Variants in PARP4 observed in about 807,000 individuals in gnomAD.
PARP4 encodes the protein poly(ADP-ribose) polymerase family member 4.
PARP4 carries 120 observed loss-of-function variants against 187.7 expected under a neutral mutation model. That is an observed-to-expected ratio of 0.64 (90% CI 0.55 to 0.74). The LOEUF (loss-of-function observed/expected upper bound fraction) is 0.74, where lower values mean the gene tolerates loss of function less well. Among genes scored for constraint, PARP4 ranks in the 30% least tolerant of loss-of-function variants. The pLI is 0.00. For synonymous variants in PARP4, 654 were observed against 740.9 expected (o/e 0.88, Z 1.90); for missense variants, 1,836 against 2,070.5 (o/e 0.89, Z 2.20).
At chr13:24,483,492 C>CAAAAAAAA (rs745935813) in intron 12 of PARP4, among the ~76,000 whole-genome samples, 96 of 107,910 alleles carry the variant, frequency 8.9e-4, no homozygotes, top group African/African-American at 3.3e-3. Flanking sequence ...GACTCCGTCT[C>CAAAAAAAA]AAAAAAAAAA....
At chr13:24,499,131 AAAAT>A (rs1234868843) in intron 5 of PARP4, among the ~76,000 whole-genome samples, 166 bp downstream of exon 5, 1 of 152,150 alleles carries the variant, frequency 6.6e-6, no homozygotes, top group Non-Finnish European at 1.5e-5. Context: ...TGTCTCCACA[AAAAT>A]AAATATATAA....
In PARP4 at chr13:24,435,171, C is replaced by A; in HGVS notation, c.3970G>T (p.Gly1324Cys). The change falls in exon 31 of 34, where the codon GGT becomes TGT. Residue 1324 changes from glycine (G) to cysteine (C), a missense_variant. Gly to Cys is a radical substitution (Grantham distance 159). Transcript: ENST00000381989. ...SFFPILAPAV[G>C]SYLPPTARAH... is the part of the protein sequence containing the mutation. ...CGGGCAGTCGGGGGAAGATAGGAAC[C>A]AACGGCCGGAGCCAAAATAGGAAAA... 6.2e-7 allele frequency: 1 copy of A among 1,614,144 alleles called. No homozygotes were observed. Among genetic ancestry groups the A allele is most frequent in the African/African-American group, 1.3e-5 (1 of 75,034 alleles).
Position 24,432,452 on chromosome 13 carries a change from AC to A in PARP4, c.4747-977del, listed in dbSNP as rs1870390819. On this transcript the variant is annotated intron_variant, in intron 31 of 33. Transcript: ENST00000381989. ...TTGATGTGTTTGGAGTTAAATATAC[AC>A]CTGTGAAACCATCAAACCATCACTT... Among the ~76,000 whole-genome samples the A allele has an allele frequency of 2.6e-5, 4 of 152,360 alleles. No homozygotes were observed. In the South Asian group the frequency reaches 8.3e-4, roughly 32 times the overall value.
intron 10 of PARP4, among the ~76,000 whole-genome samples, chr13:24,489,917 A>C (rs921475559): frequency 2.6e-5 from 4 of 152,292 alleles, no homozygotes; most frequent in South Asian, 2.1e-4. Flanking sequence ...CAGCTCACCA[A>C]ATCTCTTAAA....
chr13:24,468,975 ACTCT>A lies in PARP4; in HGVS notation c.2133+45_2133+48del, dbSNP rs1224575000. The A allele has an allele frequency of 4.1e-6, 5 of 1,224,502 alleles. No individual in the cohort carries two copies. In the Admixed American group the frequency reaches 8.7e-5, roughly 21 times the overall value. The allele number at this position is 1,224,502 out of a possible 1,614,324, so 75.9% of individuals were successfully genotyped here. A position where few individuals can be genotyped will look rare whatever the true frequency, so the allele number is the denominator to read the frequency against. ...AATTCGTATTTCATATCTTGTTCTA[ACTCT>A]CTTTCCCTCTCCTGTATGCATGCGG... On this transcript the variant is annotated intron_variant, in intron 17 of 33. Coordinates refer to ENST00000381989, the MANE Select transcript of PARP4 (RefSeq NM_006437.4).
At chr13:24,495,019 G>A (rs888514109) in intron 6 of PARP4, among the ~76,000 whole-genome samples, 21 of 151,992 alleles carry the variant, frequency 1.4e-4, no homozygotes, top group African/African-American at 5.1e-4. Flanking sequence ...CCACAGGCAT[G>A]TGCCACCACA....
At chr13:24,477,679 G>A (rs746084669) in intron 14 of PARP4, 22 bp downstream of exon 14, 7 of 1,367,668 alleles carry the variant, frequency 5.1e-6, no homozygotes, top group Non-Finnish European at 7.1e-6. Flanking sequence ...ACATAAAACA[G>A]CATTCAAGAA....
chr13:24,473,757 G>A (rs1872838383), intron 15 of PARP4, among the ~76,000 whole-genome samples: 1 of 151,950 alleles, frequency 6.6e-6, no homozygotes, highest in African/African-American at 2.4e-5. Flanking sequence ...AAAGGCAAAG[G>A]TCACCAACAA....
intron 17 of PARP4, among the ~76,000 whole-genome samples, chr13:24,462,780 G>T (rs1338783106): frequency 6.6e-6 from 1 of 152,184 alleles, no homozygotes; most frequent in African/African-American, 2.4e-5. Context: ...AAGCCTATCA[G>T]CTGACTGACA....
chr13:24,435,102 C>T lies in PARP4; in HGVS notation c.4039G>A (p.Val1347Ile), dbSNP rs775304944. ...GGAGCAGCTGAACCGAAACTAGCTA[C>T]CTGACGATATGAGGCAAAAGACAAG... ...ASLSFASYRQ[V>I]ASFGSAAPPR... is the part of the protein sequence containing the mutation. Residue 1347 changes from valine to isoleucine, a missense_variant, in exon 31 of 34, where the codon GTA (valine) becomes ATA (isoleucine). Physicochemically the swap from Val to Ile is conservative, Grantham distance 29 (BLOSUM62 3). Coordinates refer to ENST00000381989, the MANE Select transcript of PARP4 (RefSeq NM_006437.4). 4.3e-6 allele frequency: 7 copies of T among 1,614,008 alleles called. No homozygotes were observed. The African/African-American group carries it at 9.3e-5, about 22-fold the overall frequency.
rs765398737 is a variant in PARP4 at position 24,452,498 on chromosome 13, C to T, written c.2922G>A (p.Leu974=). 6.2e-7 allele frequency: 1 copy of T among 1,614,068 alleles called. No individual in the cohort carries two copies. Among genetic ancestry groups the T allele is most frequent in the East Asian group, 2.2e-5 (1 of 44,868 alleles). Residue 974 remains leucine (L), a synonymous_variant, in exon 24 of 34, where the codon CTG becomes CTA. Transcript: ENST00000381989. ...YPARGSRNIL[L]VSDGHLQDES... ...CATCCTGGAGGTGCCCATCAGACAC[C>T]AGGAGGATGTTCCGTGACCCTCGAG...
intron 2 of PARP4, among the ~76,000 whole-genome samples, chr13:24,503,150 G>A (rs989486171): frequency 6.6e-6 from 1 of 152,224 alleles, no homozygotes. Flanking sequence ...AGAGGCAGAA[G>A]GTAAATTCCT....
chr13:24,425,605 C>CTATATATATATA (rs113002264), intron 33 of PARP4, among the ~76,000 whole-genome samples: 3 of 146,916 alleles, frequency 2.0e-5, no homozygotes, highest in African/African-American at 7.7e-5. Context: ...ATATCTATAT[C>CTATATATATATA]TATATATCTC....
chr13:24,498,055 A>G (rs573865627), intron 6 of PARP4, 61 bp downstream of exon 6: 5 of 1,203,776 alleles, frequency 4.2e-6, no homozygotes, highest in Middle Eastern at 3.8e-4. Context: ...CGGCTGATTC[A>G]TTGAAATGAG....
chr13:24,426,891 C>CAA (rs5802279), intron 32 of PARP4, among the ~76,000 whole-genome samples: 15 of 93,576 alleles, frequency 1.6e-4, no homozygotes, highest in Middle Eastern at 6.6e-3. Flanking sequence ...GACTCTGTCT[C>CAA]AAAAAAAAAA....
intron 1 of PARP4, among the ~76,000 whole-genome samples, chr13:24,506,229 CAG>C (rs1038873324): frequency 1.2e-4 from 18 of 151,852 alleles, no homozygotes; most frequent in African/African-American, 4.3e-4. Flanking sequence ...GCGGCGCATC[CAG>C]AGTTTGTCCG....
At chr13:24,441,807 G>A (rs780803537) in intron 30 of PARP4, 39 bp downstream of exon 30, 8 of 1,536,378 alleles carry the variant, frequency 5.2e-6, no homozygotes, top group South Asian at 1.2e-5. Flanking sequence ...ATGAAAAAAC[G>A]AAAGCTCAAT....
At chr13:24,422,797 C>T (rs1334536293) in intron 33 of PARP4, among the ~76,000 whole-genome samples, 49 of 151,966 alleles carry the variant, frequency 3.2e-4, no homozygotes, top group African/African-American at 1.1e-3. Context: ...TTAGTAGAGA[C>T]GGGGTTTCAC....
Position 24,447,136 on chromosome 13 carries a change from G to A in PARP4, c.3165C>T (p.Ser1055=), listed in dbSNP as rs772246310. 22 of 1,613,116 alleles carry A rather than the reference G, an allele frequency of 1.4e-5. No homozygotes were observed. Among genetic ancestry groups the A allele is most frequent in the Admixed American group, 5.0e-5 (3 of 59,874 alleles). ...CTGGATTGAGTTGCTGCCATTTGAC[G>A]GAGACAGAGTGGCAACTCGGAGAAC... The part of the protein sequence containing the change: ...RLCSPSCHSV[S]VKWQQLNPDV... Residue 1055 remains serine, a synonymous_variant, in exon 26 of 34, where the codon TCC becomes TCT. Coordinates refer to ENST00000381989, the MANE Select transcript of PARP4 (RefSeq NM_006437.4).
Sources: gnomAD v4.1 joint callset for allele counts (sites outside exome capture counted in the v4.1 genomes callset) on GRCh38, gnomAD v4.1.1 for gene constraint, MANE v1.5 for transcripts, NCBI Gene and HGNC (gene_info 2026-07-23, HGNC 2026-07-21) for gene names.